The following CHD7 variants were observed in gnomAD, a reference collection of about 807,000 sequenced individuals.
CHD7 encodes the protein ATP-dependent chromatin remodeler CHD7.
A neutral mutation model predicts 307.3 loss-of-function variants in CHD7; 24 were observed. That is an observed-to-expected ratio of 0.08 (90% CI 0.06 to 0.11). CHD7 has a LOEUF of 0.11. CHD7 is among the 10% of genes least tolerant of loss of function. The pLI is 1.00. For missense variants in CHD7, 3,106 were observed against 3,727.1 expected, an observed-to-expected ratio of 0.83 and a Z score of 4.34; for synonymous variants, 1,363 against 1,349.9, an observed-to-expected ratio of 1.01 and a Z score of -0.21.
At chr8:60,842,968 C>A (rs192554765) in intron 21 of CHD7, among the ~76,000 whole-genome samples, 4 of 152,190 alleles carry the variant, frequency 2.6e-5, no homozygotes, top group Admixed American at 6.5e-5. Context: ...GAGGACCCCC[C>A]ACTTGCACCT....
At position 60,811,914 on chromosome 8, in the gene CHD7, A is replaced by G. The variant is rs555972060; in HGVS notation, c.2498+3642A>G. 7.2e-5 allele frequency among the ~76,000 whole-genome samples: 11 copies of G among 152,264 alleles called. No individual in the cohort carries two copies. The South Asian group carries it at 2.3e-3, about 32-fold the overall frequency. ...GAGGTTTTAATTAGCATTTTCTCTTATTGTGAATAAGAACACCTTTTCATA... is the reference window on the plus strand; with the variant it reads ...GAGGTTTTAATTAGCATTTTCTCTTGTTGTGAATAAGAACACCTTTTCATA... On this transcript the variant is annotated intron_variant, in intron 7 of 37. Coordinates refer to ENST00000423902, the MANE Select transcript of CHD7 (RefSeq NM_017780.4).
intron 6 of CHD7, among the ~76,000 whole-genome samples, chr8:60,802,713 G>C (rs1812368866): frequency 6.6e-6 from 1 of 152,088 alleles, no homozygotes; most frequent in Non-Finnish European, 1.5e-5. Flanking sequence ...AGGAATGGAG[G>C]ATTTACAGGA....
intron 37 of CHD7, chr8:60,864,471 A>G (rs1806150123): frequency 1.3e-5 from 2 of 153,564 alleles, no homozygotes; most frequent in African/African-American, 4.8e-5. Context: ...CTTTTTAAAA[A>G]TTTGTTATGG....
intron 2 of CHD7, among the ~76,000 whole-genome samples, chr8:60,770,073 A>G (rs1396268916): frequency 6.6e-6 from 1 of 152,246 alleles, no homozygotes; most frequent in Non-Finnish European, 1.5e-5. Flanking sequence ...GAAGAGTTCT[A>G]AAATGAGTAC....
At chr8:60,759,274 T>G (rs920438860) in intron 2 of CHD7, among the ~76,000 whole-genome samples, 1 of 152,194 alleles carries the variant, frequency 6.6e-6, no homozygotes, top group African/African-American at 2.4e-5. Context: ...GGTCATGTCT[T>G]GAGCAGGAAT....
intron 1 of CHD7, among the ~76,000 whole-genome samples, chr8:60,693,118 C>G (rs1182645375): frequency 2.0e-5 from 3 of 152,182 alleles, no homozygotes; most frequent in South Asian, 4.1e-4. Flanking sequence ...ATGGGCTGCT[C>G]CAGACTCCAC....
chr8:60,808,656 C>T (rs1381078370), intron 7 of CHD7: 1 of 172,996 alleles, frequency 5.8e-6, no homozygotes, highest in Non-Finnish European at 1.2e-5. Flanking sequence ...AAGAACTCTC[C>T]TGTGGAATGA....
chr8:60,747,277 C>T (rs1809378737), intron 2 of CHD7, among the ~76,000 whole-genome samples: 1 of 151,918 alleles, frequency 6.6e-6, no homozygotes, highest in Admixed American at 6.6e-5. Flanking sequence ...GGGGTTTCAC[C>T]ATGTTGGCCA....
chr8:60,720,960 C>A (rs1475225995), intron 1 of CHD7, among the ~76,000 whole-genome samples: 3 of 152,204 alleles, frequency 2.0e-5, no homozygotes, highest in Non-Finnish European at 4.4e-5. Flanking sequence ...CAGCCTGGAT[C>A]CTCATCAGTT....
intron 2 of CHD7, among the ~76,000 whole-genome samples, chr8:60,771,737 TA>T (rs1267178199): frequency 6.6e-6 from 1 of 152,220 alleles, no homozygotes; most frequent in Admixed American, 6.5e-5. Context: ...ATTCATTTCC[TA>T]TGCTATATGA....
At position 60,865,887 on chromosome 8, in the gene CHD7, C is replaced by T. The variant is rs764024077; in HGVS notation, c.8948C>T (p.Ser2983Leu). The part of the protein sequence containing the change: ...DEIAQGEELD[S>L]LDGGDEIENN... ...ATAGCACAGGGTGAAGAGCTAGACT[C>T]ACTTGATGGGGGGGATGAAATAGAA... The change falls in exon 38 of 38, where the codon TCA (serine) becomes TTA (leucine). Residue 2983 changes from serine to leucine, a missense_variant. Around this residue, in one of 10 missense-constraint regions of CHD7, gnomAD observed 351 missense variants for 366.2 expected, o/e 0.96. Transcript: ENST00000423902. This position sits in a 1 kb window ranked among gnomAD's most constrained non-coding sequence, Gnocchi z 4.3. 6.2e-7 allele frequency: 1 copy of T among 1,610,778 alleles called. No homozygotes were observed. Among genetic ancestry groups the T allele is most frequent in the South Asian group, 1.1e-5 (1 of 90,308 alleles).
At chr8:60,687,051 G>T (rs1805939179) in intron 1 of CHD7, among the ~76,000 whole-genome samples, 1 of 152,196 alleles carries the variant, frequency 6.6e-6, no homozygotes, top group Non-Finnish European at 1.5e-5. Context: ...AAGTAGCTGG[G>T]ATTACTGGCA....
At chr8:60,793,368 G>A (rs1324177504) in intron 3 of CHD7, among the ~76,000 whole-genome samples, 1 of 151,580 alleles carries the variant, frequency 6.6e-6, no homozygotes, top group African/African-American at 2.4e-5. Flanking sequence ...ACTGCCATTT[G>A]CTATAATCTT....
chr8:60,747,881 G>A (rs751353173), intron 2 of CHD7, among the ~76,000 whole-genome samples: 3 of 152,242 alleles, frequency 2.0e-5, no homozygotes, highest in Non-Finnish European at 4.4e-5. Flanking sequence ...GGCTCAGTGA[G>A]ATTAGTAGTA....
chr8:60,851,919 A>G, intron 28 of CHD7, 100 bp from the exon 29 acceptor site: 1 of 754,354 alleles, frequency 1.3e-6, no homozygotes, highest in Non-Finnish European at 2.1e-6. Flanking sequence ...CCTTTCCCAC[A>G]CTGTCATTTG....
At chr8:60,848,701 A>G (rs773580903) in intron 24 of CHD7, 97 bp downstream of exon 24, 2 of 922,294 alleles carry the variant, frequency 2.2e-6, no homozygotes, top group Non-Finnish European at 3.5e-6. Flanking sequence ...ATAAACCACT[A>G]GTAACCCATC....
intron 7 of CHD7, among the ~76,000 whole-genome samples, chr8:60,811,205 T>C (rs536857871): frequency 8.6e-4 from 131 of 152,312 alleles, no homozygotes; most frequent in Middle Eastern, 6.8e-3. Flanking sequence ...GTATTTGTAT[T>C]CCCTTTTAGC....
chr8:60,697,578 CATTAAATTTAAGATGGTGTCAGTTGT>C, intron 1 of CHD7, among the ~76,000 whole-genome samples: 1 of 152,060 alleles, frequency 6.6e-6, no homozygotes, highest in Non-Finnish European at 1.5e-5. Context: ...TACTGTATTG[CATTAAATTTAAGATGGTGTCAGTTGT>C]AAGATGTATT....
intron 2 of CHD7, among the ~76,000 whole-genome samples, chr8:60,764,635 C>G (rs759124592): frequency 7.9e-5 from 12 of 152,178 alleles, no homozygotes; most frequent in Non-Finnish European, 1.5e-4. Flanking sequence ...TTCATTCATT[C>G]ATTCATTCAC....
Sources: allele counts gnomAD v4.1 joint callset (sites outside exome capture counted in the v4.1 genomes callset), GRCh38; gene constraint gnomAD v4.1.1; regional missense constraint gnomAD v4.1.1; non-coding constraint Gnocchi (gnomAD v3.1); transcripts MANE v1.5; gene names NCBI Gene and HGNC (gene_info 2026-07-23, HGNC 2026-07-21).